Variants in RAB7A observed in about 807,000 individuals in gnomAD.
RAB7A encodes RAB7A, member RAS oncogene family, also known as ras-related protein Rab-7a.
A neutral mutation model predicts 24.5 loss-of-function variants in RAB7A; 2 were observed. The observed-to-expected ratio is 0.08, with a 90% CI of 0.03 to 0.26. The LOEUF is 0.26. Ranked by LOEUF, RAB7A falls within the 10% of genes least tolerant of loss-of-function variation. RAB7A has a pLI of 1.00. For missense variants in RAB7A, 118 were observed against 255.7 expected, an observed-to-expected ratio of 0.46 and a Z score of 3.67; for synonymous variants, 100 against 95.9, an observed-to-expected ratio of 1.04 and a Z score of -0.25.
At chr3:128,811,042 G>A (rs377701013) in intron 5 of RAB7A, among the ~76,000 whole-genome samples, 3 of 150,328 alleles carry the variant, frequency 2.0e-5, no homozygotes, top group South Asian at 2.1e-4. Context: ...CAACAAGAGC[G>A]AAACTCCATC....
At position 128,768,919 on chromosome 3, in the gene RAB7A, AC is replaced by A. The variant is rs1304786331; in HGVS notation, c.-8-26439del. 7.0e-5 allele frequency among the ~76,000 whole-genome samples: 10 copies of A among 143,474 alleles called. No individual in the cohort carries two copies. The East Asian group carries it at 2.0e-3, about 29-fold the overall frequency. 94.1% of individuals were successfully genotyped at this position (143,474 alleles called of 152,430 possible). A position where few individuals can be genotyped will look rare whatever the true frequency, so the allele number is the denominator to read the frequency against. ...ACAACCGTCACCATCTAATTACAGA[AC>A]CGTTTCTTTTCTCTTTTCCTTTCCT... On this transcript the variant is annotated intron_variant, in intron 1 of 5. Coordinates refer to ENST00000265062, the MANE Select transcript of RAB7A (RefSeq NM_004637.6).
chr3:128,763,245 C>T (rs1421542111), intron 1 of RAB7A, among the ~76,000 whole-genome samples: 12 of 119,962 alleles, frequency 1.0e-4, no homozygotes, highest in Non-Finnish European at 1.6e-4. Flanking sequence ...GACGGAGTCT[C>T]GCTCTGTCGC....
chr3:128,784,945 GAT>G (rs934006756), intron 1 of RAB7A, among the ~76,000 whole-genome samples: 2 of 141,902 alleles, frequency 1.4e-5, no homozygotes, highest in African/African-American at 5.6e-5. Context: ...TTCATGGCAT[GAT>G]TTTTTTTTTT....
intron 1 of RAB7A, among the ~76,000 whole-genome samples, chr3:128,754,382 G>C (rs4927892): frequency 0.57 from 86,575 of 151,822 alleles, 27,409 homozygotes; most frequent in African/African-American, 0.85. Context: ...TTAAATATCA[G>C]CCCCATGGTA....
intron 2 of RAB7A, 133 bp downstream of exon 2, chr3:128,795,553 G>A: frequency 1.2e-6 from 1 of 824,142 alleles, no homozygotes. Flanking sequence ...TCCCTCCACG[G>A]CAGAAATTTA....
At chr3:128,730,818 GTC>G (rs1445043436) in intron 1 of RAB7A, among the ~76,000 whole-genome samples, 13 of 152,194 alleles carry the variant, frequency 8.5e-5, no homozygotes, top group Non-Finnish European at 1.9e-4. Context: ...GGGGCCTGGA[GTC>G]TCTGTTTTGG....
chr3:128,776,976 A>G (rs891640903), intron 1 of RAB7A, among the ~76,000 whole-genome samples: 1 of 151,850 alleles, frequency 6.6e-6, no homozygotes, highest in Non-Finnish European at 1.5e-5. Flanking sequence ...ACACACACAC[A>G]CACACACACA....
At chr3:128,789,593 A>G (rs1933411704) in intron 1 of RAB7A, among the ~76,000 whole-genome samples, 1 of 152,102 alleles carries the variant, frequency 6.6e-6, no homozygotes, top group South Asian at 2.1e-4. Flanking sequence ...TCAGCCTCTC[A>G]GAGTGCTGGG....
At chr3:128,775,324 A>C (rs143958103) in intron 1 of RAB7A, among the ~76,000 whole-genome samples, 14 of 152,302 alleles carry the variant, frequency 9.2e-5, no homozygotes, top group Admixed American at 2.0e-4. Context: ...GTCTTGGTCA[A>C]CTGTAGTTCA....
At chr3:128,736,667 T>G (rs2070492503) in intron 1 of RAB7A, among the ~76,000 whole-genome samples, 1 of 152,102 alleles carries the variant, frequency 6.6e-6, no homozygotes, top group Admixed American at 6.5e-5. Context: ...TAAATAAAGT[T>G]ATTTAACAGT....
chr3:128,809,742 G>A (rs1473138687), intron 5 of RAB7A, among the ~76,000 whole-genome samples: 4 of 151,908 alleles, frequency 2.6e-5, no homozygotes, highest in Non-Finnish European at 5.9e-5. Flanking sequence ...TCAGCCAGTT[G>A]TTTGAAATCA....
At chr3:128,782,552 A>G (rs779627683) in intron 1 of RAB7A, among the ~76,000 whole-genome samples, 1 of 151,812 alleles carries the variant, frequency 6.6e-6, no homozygotes, top group Non-Finnish European at 1.5e-5. Context: ...AGCAAAAGTG[A>G]CTGTACCTTC....
At chr3:128,756,064 A>C (rs1215575255) in intron 1 of RAB7A, among the ~76,000 whole-genome samples, 3 of 152,232 alleles carry the variant, frequency 2.0e-5, no homozygotes, top group Non-Finnish European at 4.4e-5. Context: ...CGGGCCGGGC[A>C]CAGTGGCTCA....
At chr3:128,762,942 A>G (rs143260480) in intron 1 of RAB7A, among the ~76,000 whole-genome samples, 59 of 152,246 alleles carry the variant, frequency 3.9e-4, no homozygotes, top group African/African-American at 1.4e-3. Context: ...GAGCTACTAC[A>G]AAGTAAATTA....
chr3:128,769,363 A>T (rs1021535934), intron 1 of RAB7A, among the ~76,000 whole-genome samples: 1 of 152,148 alleles, frequency 6.6e-6, no homozygotes, highest in African/African-American at 2.4e-5. Flanking sequence ...ATGGTGTCTC[A>T]TTATGTTTTT....
chr3:128,732,362 C>T (rs531571245), intron 1 of RAB7A, among the ~76,000 whole-genome samples: 7 of 151,192 alleles, frequency 4.6e-5, no homozygotes, highest in African/African-American at 1.5e-4. Context: ...TAAAATGATA[C>T]GTCTTTTTTG....
intron 3 of RAB7A, among the ~76,000 whole-genome samples, chr3:128,804,023 A>G (rs1933750632): frequency 6.6e-6 from 1 of 152,190 alleles, no homozygotes; most frequent in South Asian, 2.1e-4. Context: ...CTCAAGCTGT[A>G]GCTTACCTAA....
intron 1 of RAB7A, among the ~76,000 whole-genome samples, chr3:128,729,560 ACTT>A (rs2070413586): frequency 1.4e-5 from 2 of 139,214 alleles, no homozygotes; most frequent in South Asian, 2.3e-4. Flanking sequence ...ACAGAGCGAG[ACTT>A]CTTCTCAAAA....
At chr3:128,809,473 C>G (rs1332038426) in intron 5 of RAB7A, among the ~76,000 whole-genome samples, 2 of 152,234 alleles carry the variant, frequency 1.3e-5, no homozygotes, top group African/African-American at 2.4e-5. Context: ...AGCCGGCACA[C>G]AGCACATGGT....
Sources: allele counts gnomAD v4.1 joint callset (sites outside exome capture counted in the v4.1 genomes callset), GRCh38; gene constraint gnomAD v4.1.1; transcripts MANE v1.5; gene names NCBI Gene and HGNC (gene_info 2026-07-23, HGNC 2026-07-21).